EED: variants seen among roughly 807,000 people sequenced by gnomAD.
EED encodes polycomb protein EED.
A neutral mutation model predicts 61.0 loss-of-function variants in EED; 9 were observed. That is an observed-to-expected ratio of 0.15 (90% CI 0.09 to 0.26). EED has a LOEUF of 0.26. EED is among the 10% of genes least tolerant of loss of function. The probability of loss-of-function intolerance (pLI) is 1.00; values close to 1 mark genes in which losing one functional copy is unlikely to be tolerated. For synonymous variants in EED, 187 were observed against 174.4 expected (o/e 1.07, Z -0.57); for missense variants, 315 against 542.3 (o/e 0.58, Z 4.16).
chr11:86,269,223 A>G (rs1946054750), intron 9 of EED, among the ~76,000 whole-genome samples: 1 of 152,222 alleles, frequency 6.6e-6, no homozygotes, highest in Admixed American at 6.5e-5. Context: ...GAAAAGATCA[A>G]AATTCAAAAT....
At chr11:86,247,623 C>T (rs960689420) in intron 1 of EED, among the ~76,000 whole-genome samples, 1 of 152,194 alleles carries the variant, frequency 6.6e-6, no homozygotes, top group Non-Finnish European at 1.5e-5. Context: ...AATTAAGATG[C>T]AATTTTTTTT....
Position 86,278,520 on chromosome 11 carries a change from C to A in EED, c.1321C>A (p.Arg441=). ...DASIWRWDRL[R] is the part of the protein sequence containing the mutation. ...CAGTATTTGGCGCTGGGATCGACTT[C>A]GATAAAATACTTTTGCCTAATCAAA... Residue 441 remains arginine (R), a synonymous_variant, in exon 12 of 12, where the codon CGA becomes AGA. Coordinates refer to ENST00000263360, the MANE Select transcript of EED (RefSeq NM_003797.5). 6.2e-7 allele frequency: 1 copy of A among 1,612,326 alleles called. No individual in the cohort carries two copies.
intron 1 of EED, among the ~76,000 whole-genome samples, chr11:86,245,623 T>G (rs1945373929): frequency 6.6e-6 from 1 of 151,554 alleles, no homozygotes; most frequent in Admixed American, 6.6e-5. Context: ...GTTTTGGCCT[T>G]TGGGGGGATT....
intron 2 of EED, among the ~76,000 whole-genome samples, 171 bp downstream of exon 2, chr11:86,250,619 C>T (rs532545013): frequency 4.6e-5 from 7 of 151,624 alleles, no homozygotes; most frequent in Non-Finnish European, 7.4e-5. Context: ...TATTTTAGTC[C>T]ATCCCATGTT....
At chr11:86,268,632 T>G in intron 9 of EED, 71 bp downstream of exon 9, 1 of 1,048,256 alleles carries the variant, frequency 9.5e-7, no homozygotes, top group Non-Finnish European at 1.4e-6. Context: ...TGTGTATGTG[T>G]GTGCGCATGT....
chr11:86,273,397 G>C (rs1946161929), intron 9 of EED, among the ~76,000 whole-genome samples: 1 of 152,086 alleles, frequency 6.6e-6, no homozygotes, highest in Non-Finnish European at 1.5e-5. Flanking sequence ...ATTTGTATTT[G>C]AGAACCATAT....
At chr11:86,280,958 T>C (rs913360782), downstream of EED, among the ~76,000 whole-genome samples, 1 of 152,232 alleles carries the variant, frequency 6.6e-6, no homozygotes, top group African/African-American at 2.4e-5. Flanking sequence ...GGTAATATGG[T>C]GAATCACATT....
chr11:86,279,134 T>G (rs1488314396), downstream of EED, among the ~76,000 whole-genome samples: 1 of 152,254 alleles, frequency 6.6e-6, no homozygotes, highest in African/African-American at 2.4e-5. Context: ...TGATTTCTTA[T>G]GTAATAGTTT....
intron 8 of EED, among the ~76,000 whole-genome samples, chr11:86,266,800 A>G (rs925928636): frequency 3.9e-5 from 6 of 152,166 alleles, no homozygotes; most frequent in Admixed American, 1.3e-4. Flanking sequence ...TTAATGCAGT[A>G]ACTGTCTTTA....
rs192283825 is a variant in EED at position 86,270,148 on chromosome 11, C to T, written c.966+1587C>T. Reference sequence around the variant, plus strand: ...GAGATCCAGTGTCTCCGAATCTTCGCCAGCATTTGGTATTGTCATTATTTT... The same window carrying T: ...GAGATCCAGTGTCTCCGAATCTTCGTCAGCATTTGGTATTGTCATTATTTT... On this transcript the variant is annotated intron_variant, in intron 9 of 11. Coordinates refer to ENST00000263360, the MANE Select transcript of EED (RefSeq NM_003797.5). The T allele has an allele frequency of 3.9e-4, 273 of 700,826 alleles. 1 individual carries two copies. Among genetic ancestry groups the T allele is most frequent in the Non-Finnish European group, 2.3e-5 (9 of 384,016 alleles). The allele number at this position is 700,826 out of a possible 1,614,324, so 43.4% of individuals were successfully genotyped here.
chr11:86,255,016 C>G (rs1945634279), intron 3 of EED, among the ~76,000 whole-genome samples: 1 of 152,230 alleles, frequency 6.6e-6, no homozygotes, highest in Non-Finnish European at 1.5e-5. Context: ...ATCGAAACGA[C>G]TATTACTGCA....
chr11:86,267,098 A>G (rs1001570682), intron 8 of EED, among the ~76,000 whole-genome samples: 3 of 152,188 alleles, frequency 2.0e-5, no homozygotes, highest in Admixed American at 6.5e-5. Context: ...TATTTTCTAG[A>G]TATCTGGAAT....
intron 3 of EED, among the ~76,000 whole-genome samples, chr11:86,252,977 G>C (rs1211497061): frequency 6.6e-6 from 1 of 152,038 alleles, no homozygotes; most frequent in Non-Finnish European, 1.5e-5. Context: ...TGAACTCTTG[G>C]GCTCAAGCAA....
downstream of EED, among the ~76,000 whole-genome samples, chr11:86,282,842 G>A (rs902087073): frequency 1.3e-5 from 2 of 152,100 alleles, no homozygotes; most frequent in Non-Finnish European, 2.9e-5. Flanking sequence ...TACCAAAACA[G>A]GCAGTGGTGG....
intron 5 of EED, among the ~76,000 whole-genome samples, chr11:86,257,275 C>T (rs779428756): frequency 7.3e-5 from 11 of 150,006 alleles, no homozygotes; most frequent in Admixed American, 1.3e-4. Flanking sequence ...TGACCTCAAG[C>T]GATTCTGCCT....
chr11:86,252,741 G>GTTGT (rs1316755806), intron 3 of EED, among the ~76,000 whole-genome samples: 1 of 151,528 alleles, frequency 6.6e-6, no homozygotes, highest in African/African-American at 2.4e-5. Context: ...GTGTTTGGTG[G>GTTGT]TGATTGTTGT....
In EED at chr11:86,266,320, G is replaced by T. The variant is rs986539758; in HGVS notation, c.860+104G>T. 2.9e-6 allele frequency: 3 copies of T among 1,027,238 alleles called. No individual in the cohort carries two copies. In the East Asian group the frequency reaches 8.2e-5, roughly 28 times the overall value. 63.6% of individuals were successfully genotyped at this position (1,027,238 alleles called of 1,614,324 possible). A position where few individuals can be genotyped will look rare whatever the true frequency, so the allele number is the denominator to read the frequency against. On this transcript the variant is annotated intron_variant, in intron 8 of 11. Coordinates refer to ENST00000263360, the MANE Select transcript of EED (RefSeq NM_003797.5). The stretch of plus-strand genomic sequence containing the variant: ...ATAAGCCCCAACAATGAGTTTAGAA[G>T]ACCTTCTTTTAACTTTAAGGGACAA...
At chr11:86,280,805 T>TTG (rs796560362), downstream of EED, among the ~76,000 whole-genome samples, 2 of 152,358 alleles carry the variant, frequency 1.3e-5, no homozygotes, top group African/African-American at 4.8e-5. Flanking sequence ...TATTGGCATG[T>TTG]CACACATGGC....
chr11:86,262,120 G>C (rs1478649999), intron 6 of EED, among the ~76,000 whole-genome samples: 1 of 152,118 alleles, frequency 6.6e-6, no homozygotes, highest in Non-Finnish European at 1.5e-5. Context: ...GGGCTCAAAT[G>C]ATCCTTCCAC....
Sources: allele counts gnomAD v4.1 joint callset (sites outside exome capture counted in the v4.1 genomes callset), GRCh38; gene constraint gnomAD v4.1.1; transcripts MANE v1.5; gene names NCBI Gene and HGNC (gene_info 2026-07-23, HGNC 2026-07-21).